Variants in PXK observed in about 807,000 individuals in gnomAD.
The protein encoded by PXK is PX domain-containing protein kinase-like protein.
Under a neutral mutation model 84.7 loss-of-function variants are expected in PXK, and 35 were observed. That is an observed-to-expected ratio of 0.41 (90% CI 0.32 to 0.55). The LOEUF (loss-of-function observed/expected upper bound fraction) is 0.55. Ranked by LOEUF, PXK falls within the 20% of genes least tolerant of loss-of-function variation. PXK has a pLI of 0.21. For missense variants in PXK, 634 were observed against 699.7 expected (o/e 0.91, Z 1.06); for synonymous variants, 253 against 260.8 (o/e 0.97, Z 0.29).
rs1038449264 is a variant in PXK, at chr3:58,397,336, G to A, written c.984+136G>A. 6.3e-5 allele frequency: 69 copies of A among 1,103,008 alleles called. No homozygotes were observed. Among genetic ancestry groups the A allele is most frequent in the Non-Finnish European group, 8.3e-5 (63 of 759,594 alleles). The allele number at this position is 1,103,008 out of a possible 1,614,324, so 68.3% of individuals were successfully genotyped here. ...GGCCTTGCCCGTCAGCCCTTGCAGC[G>A]TTGCTGTATCTCTGGGAGGCTGAGT... is the stretch of plus-strand genomic sequence containing the variant. On this transcript the variant is annotated intron_variant, in intron 10 of 17. Transcript: ENST00000356151. This position sits in a 1 kb window ranked among gnomAD's most constrained non-coding sequence, Gnocchi z 4.7.
chr3:58,366,043 G>T, intron 2 of PXK, 119 bp downstream of exon 2: 1 of 819,248 alleles, frequency 1.2e-6, no homozygotes, highest in East Asian at 2.9e-5. Flanking sequence ...TATAAATCAT[G>T]TTTCTTTTAG....
Position 58,397,509 on chromosome 3 carries a change from C to A in PXK, c.985-96C>A. 9.2e-7 allele frequency: 1 copy of A among 1,082,462 alleles called. No homozygotes were observed. The highest frequency in any genetic ancestry group is 1.4e-6 in the Non-Finnish European group (1 of 704,286). 67.1% of individuals were successfully genotyped at this position (1,082,462 alleles called of 1,614,324 possible). ...TTACCAATTAGGAACGGGGCTATCCCTGGGCTTTGTTTCTCAGAGAAGCCT... is the reference window on the plus strand; with the variant it reads ...TTACCAATTAGGAACGGGGCTATCCATGGGCTTTGTTTCTCAGAGAAGCCT... On this transcript the variant is annotated intron_variant, in intron 10 of 17. Transcript: ENST00000356151. The surrounding 1 kb of genome is among the most constrained non-coding windows in gnomAD (Gnocchi z 4.7).
intron 1 of PXK, among the ~76,000 whole-genome samples, chr3:58,356,207 A>G (rs1384996347): frequency 2.6e-5 from 4 of 152,172 alleles, no homozygotes; most frequent in Non-Finnish European, 5.9e-5. Flanking sequence ...GGCTTGACAC[A>G]GCAGCCTCCC....
chr3:58,353,528 G>A (rs894006199), intron 1 of PXK, among the ~76,000 whole-genome samples: 1 of 152,166 alleles, frequency 6.6e-6, no homozygotes, highest in African/African-American at 2.4e-5. Flanking sequence ...CAGATGAAAC[G>A]ACAGTAAATA....
At position 58,421,055 on chromosome 3, in the gene PXK, G is replaced by A; in HGVS notation, c.1529-3697G>A. The A allele has an allele frequency of 1.0e-6, 1 of 1,000,292 alleles. No individual in the cohort carries two copies. Among genetic ancestry groups the A allele is most frequent in the Non-Finnish European group, 1.2e-6 (1 of 839,604 alleles). 62.0% of individuals were successfully genotyped at this position (1,000,292 alleles called of 1,614,324 possible). A position where few individuals can be genotyped will look rare whatever the true frequency, so the allele number is the denominator to read the frequency against. ...GCATCCTTTATAATTCTCGAGCTGTGACAGGAGTACAGCCTCCTCACCTGC... is the reference window on the plus strand; with the variant it reads ...GCATCCTTTATAATTCTCGAGCTGTAACAGGAGTACAGCCTCCTCACCTGC... On this transcript the variant is annotated intron_variant, in intron 17 of 17. Transcript: ENST00000356151. This position sits in a 1 kb window ranked among gnomAD's most constrained non-coding sequence, Gnocchi z 5.5.
Position 58,343,521 on chromosome 3 carries a change from A to C in PXK, c.102+10431A>C, listed in dbSNP as rs1247264427. ...TGAGTGTTGTGGTCTCCAGGAATGCAGTGGTGAGCAGTCGCTGCTCTAGGG... is the reference window on the plus strand; with the variant it reads ...TGAGTGTTGTGGTCTCCAGGAATGCCGTGGTGAGCAGTCGCTGCTCTAGGG... On this transcript the variant is annotated intron_variant, in intron 1 of 17. Coordinates refer to ENST00000356151, the MANE Select transcript of PXK (RefSeq NM_017771.5). Among the ~76,000 whole-genome samples the C allele has an allele frequency of 3.3e-5, 5 of 152,210 alleles. No homozygotes were observed. The East Asian group carries it at 9.6e-4, about 29-fold the overall frequency.
chr3:58,351,025 CCTTTA>C (rs1271255743), intron 1 of PXK, among the ~76,000 whole-genome samples: 2 of 152,232 alleles, frequency 1.3e-5, no homozygotes, highest in South Asian at 2.1e-4. Context: ...TAGAAGAGCT[CCTTTA>C]CTTTACTTTC....
Position 58,333,102 on chromosome 3 carries a change from A to G in PXK, c.102+12A>G, listed in dbSNP as rs1183631626. 2 of 1,154,424 alleles carry G rather than the reference A, an allele frequency of 1.7e-6. No individual in the cohort carries two copies. Among genetic ancestry groups the G allele is most frequent in the Non-Finnish European group, 2.1e-6 (2 of 933,308 alleles). 71.5% of individuals were successfully genotyped at this position (1,154,424 alleles called of 1,614,324 possible). ...TGCAGTCCCACACGGTGCGCGGCCC[A>G]GCGGGCGGGCGGGCGGCGTGGGGCG... On this transcript the variant is annotated intron_variant, in intron 1 of 17. Transcript: ENST00000356151. The surrounding 1 kb of genome is among the most constrained non-coding windows in gnomAD (Gnocchi z 5.4).
chr3:58,387,682 T>C (rs1190025918), intron 4 of PXK, among the ~76,000 whole-genome samples: 1 of 151,958 alleles, frequency 6.6e-6, no homozygotes, highest in Non-Finnish European at 1.5e-5. Context: ...TATCCTGGCT[T>C]TACCCTTCCA....
chr3:58,348,383 C>T (rs2097858677), intron 1 of PXK, among the ~76,000 whole-genome samples: 4 of 152,046 alleles, frequency 2.6e-5, no homozygotes, highest in South Asian at 4.1e-4. Flanking sequence ...TTTGTGTGAC[C>T]GTTTTCTCAG....
At chr3:58,367,924 A>C (rs2098299436) in intron 2 of PXK, among the ~76,000 whole-genome samples, 1 of 152,168 alleles carries the variant, frequency 6.6e-6, no homozygotes, top group Admixed American at 6.5e-5. Context: ...AGCTCGAGCA[A>C]TCCTCCTGCC....
chr3:58,381,031 G>A lies in PXK; in HGVS notation c.202-1483G>A, dbSNP rs376770250. Among the ~76,000 whole-genome samples the A allele has an allele frequency of 9.2e-5, 14 of 152,126 alleles. No homozygotes were observed. In the East Asian group the frequency reaches 2.5e-3, roughly 27 times the overall value. On this transcript the variant is annotated intron_variant, in intron 3 of 17. Transcript: ENST00000356151. ...TGGGAGGCCGAGGTGGGTGGATCACGAGGTCAGGAGATCGAGACCATCCTG... is the reference window on the plus strand; with the variant it reads ...TGGGAGGCCGAGGTGGGTGGATCACAAGGTCAGGAGATCGAGACCATCCTG...
At chr3:58,376,420 T>C (rs1033349513) in intron 3 of PXK, among the ~76,000 whole-genome samples, 1 of 152,010 alleles carries the variant, frequency 6.6e-6, no homozygotes, top group African/African-American at 2.4e-5. Flanking sequence ...TGTCTAAAAA[T>C]AAATAAATAA....
At chr3:58,369,351 T>C (rs1243928241) in intron 2 of PXK, 80 bp from the exon 3 acceptor site, 8 of 1,141,456 alleles carry the variant, frequency 7.0e-6, no homozygotes, top group Non-Finnish European at 1.0e-5. Context: ...CCAATATTAC[T>C]AATTCTAATA....
At position 58,378,175 on chromosome 3, in the gene PXK, T is replaced by TC. The variant is rs377030883; in HGVS notation, c.202-4337dup. On this transcript the variant is annotated intron_variant, in intron 3 of 17. Coordinates refer to ENST00000356151, the MANE Select transcript of PXK (RefSeq NM_017771.5). ...CCCACTCCCTCCCTAGCTTCCTTCT[T>TC]CCTCTCAACTCCCAGAATTCTGGCA... Among the ~76,000 whole-genome samples the TC allele has an allele frequency of 7.1e-3, 1,085 of 152,292 alleles. 15 individuals are homozygous for TC. The highest frequency in any genetic ancestry group is 0.025 in the African/African-American group (1,031 of 41,546).
chr3:58,388,407 A>G (rs909996375), intron 4 of PXK, among the ~76,000 whole-genome samples: 2 of 152,198 alleles, frequency 1.3e-5, no homozygotes, highest in African/African-American at 4.8e-5. Context: ...TACACATTAG[A>G]GAATTATTTT....
At chr3:58,391,591 A>T (rs1195686833) in intron 6 of PXK, among the ~76,000 whole-genome samples, 182 bp from the exon 7 acceptor site, 1 of 152,066 alleles carries the variant, frequency 6.6e-6, no homozygotes, top group African/African-American at 2.4e-5. Context: ...AGATAAGATT[A>T]CAGTTAAGTC....
intron 12 of PXK, among the ~76,000 whole-genome samples, chr3:58,402,466 G>T: frequency 6.7e-6 from 1 of 148,206 alleles, no homozygotes. Context: ...GTCTTGCTCT[G>T]TCACCCAGGC....
chr3:58,391,920 C>T (rs2098636017), intron 7 of PXK, 73 bp downstream of exon 7: 12 of 1,388,666 alleles, frequency 8.6e-6, no homozygotes, highest in South Asian at 1.2e-5. Context: ...TGAACATGGA[C>T]AGAAAAGCTG....
Sources: gnomAD v4.1 joint callset for allele counts (sites outside exome capture counted in the v4.1 genomes callset) on GRCh38, gnomAD v4.1.1 for gene constraint, Gnocchi (gnomAD v3.1) non-coding constraint, MANE v1.5 for transcripts, NCBI Gene and HGNC (gene_info 2026-07-23, HGNC 2026-07-21) for gene names.